Variants in ATF3 observed in about 807,000 individuals in gnomAD.
The protein encoded by ATF3 is cyclic AMP-dependent transcription factor ATF-3.
ATF3 carries 10 observed loss-of-function variants against 18.4 expected under a neutral mutation model. The observed-to-expected ratio is 0.54, with a 90% CI of 0.34 to 0.92. ATF3 has a LOEUF of 0.92. Among genes scored for constraint, ATF3 ranks in the 40% least tolerant of loss-of-function variants. The probability of loss-of-function intolerance (pLI) is 0.02; values close to 1 mark genes in which losing one functional copy is unlikely to be tolerated. For synonymous variants in ATF3, 78 were observed against 87.9 expected (o/e 0.89, Z 0.63); for missense variants, 183 against 222.3 (o/e 0.82, Z 1.12).
At chr1:212,577,795 C>T (rs964548227) in intron 1 of ATF3, among the ~76,000 whole-genome samples, 4 of 152,204 alleles carry the variant, frequency 2.6e-5, no homozygotes, top group Non-Finnish European at 2.9e-5. Flanking sequence ...TCATTGTGTA[C>T]ATATACCACA....
chr1:212,580,564 C>T (rs1215406576), intron 1 of ATF3, among the ~76,000 whole-genome samples: 2 of 152,048 alleles, frequency 1.3e-5, no homozygotes, highest in Non-Finnish European at 2.9e-5. Flanking sequence ...TTTTCACCTC[C>T]CAAAGCACTG....
intron 1 of ATF3, among the ~76,000 whole-genome samples, chr1:212,591,502 C>T (rs11119982): frequency 0.4 from 60,929 of 151,994 alleles, 13,764 homozygotes; most frequent in Non-Finnish European, 0.5. Context: ...TTTAGACACT[C>T]GATGGCCAAG....
At chr1:212,582,762 G>T (rs956987153) in intron 1 of ATF3, among the ~76,000 whole-genome samples, 3 of 152,120 alleles carry the variant, frequency 2.0e-5, no homozygotes, top group Non-Finnish European at 4.4e-5. Context: ...CTTTCCATGA[G>T]ACCTGCACTT....
intron 1 of ATF3, among the ~76,000 whole-genome samples, chr1:212,590,386 G>T (rs917418818): frequency 6.6e-6 from 1 of 150,970 alleles, no homozygotes; most frequent in Non-Finnish European, 1.5e-5. Context: ...GGTATATTGC[G>T]CTAAGTGAAA....
At position 212,619,199 on chromosome 1, in the gene ATF3, T is replaced by C; in HGVS notation, c.349-159T>C. The C allele has an allele frequency of 6.2e-7, 1 of 1,611,440 alleles. No individual in the cohort carries two copies. Among genetic ancestry groups the C allele is most frequent in the South Asian group, 1.1e-5 (1 of 90,856 alleles). On this transcript the variant is annotated intron_variant, in intron 3 of 3. Transcript: ENST00000341491. This position sits in a 1 kb window ranked among gnomAD's most constrained non-coding sequence, Gnocchi z 4.4. ...CTGAAGAAGAGGGTCTGCATTTTCC[T>C]AAACCCAGTGCTGCTCTCCCATCTC... is the stretch of plus-strand genomic sequence containing the variant.
At chr1:212,575,236 A>G (rs973869323) in intron 1 of ATF3, among the ~76,000 whole-genome samples, 1 of 151,940 alleles carries the variant, frequency 6.6e-6, no homozygotes, top group Non-Finnish European at 1.5e-5. Flanking sequence ...TAATACTTTC[A>G]TAGTTTTCTT....
chr1:212,582,725 T>C (rs1445514504), intron 1 of ATF3, among the ~76,000 whole-genome samples: 1 of 152,174 alleles, frequency 6.6e-6, no homozygotes, highest in African/African-American at 2.4e-5. Flanking sequence ...AACCAGAGAC[T>C]GAGTGATTTC....
At chr1:212,574,457 G>C (rs1004485192) in intron 1 of ATF3, among the ~76,000 whole-genome samples, 12 of 151,840 alleles carry the variant, frequency 7.9e-5, no homozygotes, top group Admixed American at 6.6e-4. Context: ...CATCACAAAT[G>C]CTTTCTCCTG....
At chr1:212,586,947 C>T (rs12739468) in intron 1 of ATF3, among the ~76,000 whole-genome samples, 1 of 152,088 alleles carries the variant, frequency 6.6e-6, no homozygotes, top group Non-Finnish European at 1.5e-5. Flanking sequence ...GTGAAAGTGA[C>T]GCTGGGCTGG....
In ATF3 at chr1:212,602,286, C is replaced by T. The variant is rs573598869; in HGVS notation, c.-4-12732C>T. Among the ~76,000 whole-genome samples the T allele has an allele frequency of 5.3e-5, 8 of 152,266 alleles. No homozygotes were observed. The East Asian group carries it at 1.5e-3, about 29-fold the overall frequency. On this transcript the variant is annotated intron_variant, in intron 1 of 3. Coordinates refer to the ATF3 transcript ENST00000366981. Reference sequence around the variant, plus strand: ...TTTAGGGTGCTCTTCTTACAATCAGCTTTTTTCACCTTGGCCCTATTCTTA... The same window carrying T: ...TTTAGGGTGCTCTTCTTACAATCAGTTTTTTTCACCTTGGCCCTATTCTTA...
At chr1:212,583,761 G>A (rs1571763453) in intron 1 of ATF3, among the ~76,000 whole-genome samples, 1 of 152,202 alleles carries the variant, frequency 6.6e-6, no homozygotes, top group African/African-American at 2.4e-5. Context: ...AGGAGGGCAG[G>A]AAGTGGATGG....
chr1:212,588,190 T>C (rs1204480391), intron 1 of ATF3, among the ~76,000 whole-genome samples: 2 of 152,114 alleles, frequency 1.3e-5, no homozygotes, highest in African/African-American at 4.8e-5. Flanking sequence ...AGAAGAGGCT[T>C]AGGACTAGGA....
rs959814952 is a variant in ATF3 at position 212,579,794 on chromosome 1, G to A, written c.-5+14311G>A. Among the ~76,000 whole-genome samples the A allele has an allele frequency of 5.9e-5, 9 of 152,250 alleles. No individual in the cohort carries two copies. The South Asian group carries it at 1.9e-3, about 32-fold the overall frequency. ...ATTAGCCTGGGCTCTGAGAAAAACA[G>A]CAGATCCCAGCCGATGTGGAGTAGG... On this transcript the variant is annotated intron_variant, in intron 1 of 3. Coordinates refer to the ATF3 transcript ENST00000366981.
At chr1:212,567,234 G>A (rs1664399283) in intron 1 of ATF3, among the ~76,000 whole-genome samples, 1 of 152,030 alleles carries the variant, frequency 6.6e-6, no homozygotes, top group Non-Finnish European at 1.5e-5. Context: ...CGTAGGAGCA[G>A]CATGCTGTCC....
intron 1 of ATF3, among the ~76,000 whole-genome samples, chr1:212,599,757 G>A (rs1654429698): frequency 6.6e-6 from 1 of 152,152 alleles, no homozygotes; most frequent in Admixed American, 6.5e-5. Context: ...TATAACATCT[G>A]AGATAGGGGC....
intron 1 of ATF3, among the ~76,000 whole-genome samples, chr1:212,614,714 C>T (rs1314152078): frequency 6.6e-6 from 1 of 152,030 alleles, no homozygotes; most frequent in Non-Finnish European, 1.5e-5. Context: ...TGTTTGTGGC[C>T]ACATTTGCAC....
Position 212,618,448 on chromosome 1 carries a change from G to T in ATF3, c.348+214G>T. ...ACGGTGGATGTATAAAAACAGGTGT[G>T]TGAATTCGTCTGATGCCTGACTCCC... On this transcript the variant is annotated intron_variant, in intron 3 of 3. Coordinates refer to ENST00000341491, the MANE Select transcript of ATF3 (RefSeq NM_001674.4). This position sits in a 1 kb window ranked among gnomAD's most constrained non-coding sequence, Gnocchi z 4.4. 3.4e-6 allele frequency: 2 copies of T among 584,024 alleles called. No individual in the cohort carries two copies. The highest frequency in any genetic ancestry group is 3.8e-5 in the South Asian group (2 of 53,180). 36.2% of individuals were successfully genotyped at this position (584,024 alleles called of 1,614,324 possible). A position where few individuals can be genotyped will look rare whatever the true frequency, so the allele number is the denominator to read the frequency against.
At chr1:212,591,941 A>T (rs1427158274) in intron 1 of ATF3, among the ~76,000 whole-genome samples, 2 of 152,162 alleles carry the variant, frequency 1.3e-5, no homozygotes, top group Admixed American at 1.3e-4. Context: ...AGCAAATCAT[A>T]GGCATCGCAG....
chr1:212,566,442 G>A (rs1664384267), intron 1 of ATF3, among the ~76,000 whole-genome samples: 1 of 152,200 alleles, frequency 6.6e-6, no homozygotes, highest in Admixed American at 6.5e-5. Flanking sequence ...AGACATCAGT[G>A]AGGATGAAGC....
Sources: allele counts gnomAD v4.1 joint callset (sites outside exome capture counted in the v4.1 genomes callset), GRCh38; gene constraint gnomAD v4.1.1; non-coding constraint Gnocchi (gnomAD v3.1); transcripts MANE v1.5; gene names NCBI Gene and HGNC (gene_info 2026-07-23, HGNC 2026-07-21).